Variants in SHANK2 observed in about 807,000 individuals in gnomAD.
SHANK2 encodes the protein SH3 and multiple ankyrin repeat domains 2.
Under a neutral mutation model 133.7 loss-of-function variants are expected in SHANK2, and 43 were observed. The observed-to-expected ratio is 0.32, with a 90% CI of 0.25 to 0.41. SHANK2 has a LOEUF of 0.41. SHANK2 is among the 10% of genes least tolerant of loss of function. The pLI, the probability that SHANK2 is intolerant of heterozygous loss-of-function variation, is 1.00. For missense variants in SHANK2, 1,994 were observed against 2,235.8 expected, an observed-to-expected ratio of 0.89 and a Z score of 2.18; for synonymous variants, 1,017 against 952.8, an observed-to-expected ratio of 1.07 and a Z score of -1.24.
At chr11:71,115,477 A>G (rs181096791) in intron 4 of SHANK2, among the ~76,000 whole-genome samples, 255 of 152,316 alleles carry the variant, frequency 1.7e-3, no homozygotes, top group African/African-American at 5.6e-3. Flanking sequence ...TCAAAAACAA[A>G]ACAAAACAAA....
rs1444474778 is a variant in SHANK2 at position 70,485,123 on chromosome 11, A to G, written c.4979+191T>C. Among the ~76,000 whole-genome samples the G allele has an allele frequency of 6.6e-6, 1 of 152,226 alleles. No homozygotes were observed. The highest frequency in any genetic ancestry group is 1.9e-4 in the East Asian group (1 of 5,194). On this transcript the variant is annotated intron_variant, in intron 25 of 25. Coordinates refer to ENST00000601538, the MANE Select transcript of SHANK2 (RefSeq NM_012309.5). The surrounding 1 kb of genome is among the most constrained non-coding windows in gnomAD (Gnocchi z 5.8). ...GCTGTGTCCCACCAGGATGGCTGTG[A>G]TCATTACTCGGCTATCCCGGAGTCC... is the stretch of plus-strand genomic sequence containing the variant.
chr11:70,731,897 C>T (rs1183080069), intron 14 of SHANK2, among the ~76,000 whole-genome samples: 4 of 152,214 alleles, frequency 2.6e-5, no homozygotes, highest in Non-Finnish European at 5.9e-5. Flanking sequence ...TCCTCCTGCA[C>T]GTGCTCTGCC....
chr11:71,226,810 G>A (rs769862453), intron 1 of SHANK2: 1 of 152,030 alleles, frequency 6.6e-6, no homozygotes, highest in Non-Finnish European at 1.5e-5. Context: ...AGGAGTTTTG[G>A]AACATTAGGA....
At chr11:70,615,742 G>A (rs2060732315) in intron 17 of SHANK2, among the ~76,000 whole-genome samples, 1 of 152,222 alleles carries the variant, frequency 6.6e-6, no homozygotes, top group Non-Finnish European at 1.5e-5. Context: ...TCCACACCTT[G>A]GGGCAGAGCT....
At chr11:71,085,467 T>TATATATATAATATATATGTTATATA (rs1951365921) in intron 8 of SHANK2, among the ~76,000 whole-genome samples, 1 of 124,102 alleles carries the variant, frequency 8.1e-6, no homozygotes, top group Non-Finnish European at 1.6e-5. Flanking sequence ...AATATATATA[T>TATATATATAATATATATGTTATATA]ATATATAATA....
chr11:70,843,260 G>A (rs9737104), intron 11 of SHANK2, among the ~76,000 whole-genome samples: 4,616 of 147,786 alleles, frequency 0.031, 242 homozygotes, highest in African/African-American at 0.11. Flanking sequence ...CTATGGGGTG[G>A]GCTGGGCTGC....
intron 17 of SHANK2, among the ~76,000 whole-genome samples, chr11:70,570,091 T>A (rs2060026995): frequency 1.3e-5 from 2 of 152,206 alleles, no homozygotes; most frequent in Non-Finnish European, 2.9e-5. Context: ...GCTACCTGAC[T>A]GTTTTTTGAC....
chr11:70,911,020 G>A (rs1950183487), intron 10 of SHANK2: 1 of 456,964 alleles, frequency 2.2e-6, no homozygotes, highest in Non-Finnish European at 4.4e-6. Context: ...CAGAAACGAA[G>A]GGGGTGCTCC....
chr11:70,718,593 G>A (rs1428279914), intron 14 of SHANK2, among the ~76,000 whole-genome samples: 1 of 152,166 alleles, frequency 6.6e-6, no homozygotes, highest in Non-Finnish European at 1.5e-5. Flanking sequence ...TACCTGCAAG[G>A]ACTTCTCGGC....
chr11:70,591,116 C>A (rs145931866), intron 17 of SHANK2, among the ~76,000 whole-genome samples: 5 of 152,002 alleles, frequency 3.3e-5, no homozygotes, highest in Non-Finnish European at 7.4e-5. Context: ...CCGAGGTGGG[C>A]GGATCACTGG....
intron 17 of SHANK2, among the ~76,000 whole-genome samples, chr11:70,644,497 GCTGGATA>G (rs1168907311): frequency 6.6e-6 from 1 of 152,232 alleles, no homozygotes; most frequent in Non-Finnish European, 1.5e-5. Flanking sequence ...TGGGTCCCAG[GCTGGATA>G]CCTCCATGTG....
chr11:71,150,386 G>C (rs1238678898), intron 2 of SHANK2, among the ~76,000 whole-genome samples: 5 of 119,076 alleles, frequency 4.2e-5, no homozygotes, highest in African/African-American at 6.5e-5. Flanking sequence ...GAGGGAGGGA[G>C]AGGGAGGGAC....
At chr11:71,204,804 G>T (rs1954095392) in intron 2 of SHANK2, among the ~76,000 whole-genome samples, 1 of 152,198 alleles carries the variant, frequency 6.6e-6, no homozygotes, top group African/African-American at 2.4e-5. Flanking sequence ...GTCCTGGGAA[G>T]GGGGCAGGAG....
chr11:70,871,668 AAG>A (rs1337227565), intron 11 of SHANK2, among the ~76,000 whole-genome samples: 3 of 152,176 alleles, frequency 2.0e-5, no homozygotes, highest in Non-Finnish European at 4.4e-5. Flanking sequence ...AAAGTCAAGA[AAG>A]AGTTCATGTT....
chr11:70,496,877 C>A, intron 21 of SHANK2: 1 of 442,048 alleles, frequency 2.3e-6, no homozygotes, highest in Non-Finnish European at 4.6e-6. Context: ...TGGGGGCACC[C>A]TACCCATCAT....
At chr11:71,196,997 C>CAAA (rs71467429) in intron 2 of SHANK2, among the ~76,000 whole-genome samples, 2,694 of 81,842 alleles carry the variant, frequency 0.033, 53 homozygotes, top group Non-Finnish European at 0.048. Context: ...GACTCTGTCT[C>CAAA]AAAAAAAAAA....
intron 17 of SHANK2, among the ~76,000 whole-genome samples, chr11:70,530,250 G>A (rs2059450349): frequency 6.6e-6 from 1 of 152,210 alleles, no homozygotes; most frequent in South Asian, 2.1e-4. Flanking sequence ...CGGGCACCGT[G>A]GCTCATGCCT....
chr11:70,485,200 G>A lies in SHANK2; in HGVS notation c.4979+114C>T, dbSNP rs528162885. The stretch of plus-strand genomic sequence containing the variant: ...TGCATTAACAGACGTGGCCCACACA[G>A]GCTTTACGAATTCCCCTCTTCGTGT... On this transcript the variant is annotated intron_variant, in intron 25 of 25. Coordinates refer to ENST00000601538, the MANE Select transcript of SHANK2 (RefSeq NM_012309.5). The surrounding 1 kb of genome is among the most constrained non-coding windows in gnomAD (Gnocchi z 5.8). The A allele has an allele frequency of 6.7e-5, 59 of 878,616 alleles. No individual in the cohort carries two copies. The South Asian group carries it at 7.7e-4, about 12-fold the overall frequency. The allele number at this position is 878,616 out of a possible 1,614,324, so 54.4% of individuals were successfully genotyped here.
intron 9 of SHANK2, among the ~76,000 whole-genome samples, chr11:71,066,152 G>A (rs1951058137): frequency 1.1e-4 from 14 of 128,906 alleles, no homozygotes; most frequent in Non-Finnish European, 1.8e-4. Flanking sequence ...GTTGGGTGGG[G>A]GGGGTGCAGA....
Sources: gnomAD v4.1 joint callset for allele counts (sites outside exome capture counted in the v4.1 genomes callset) on GRCh38, gnomAD v4.1.1 for gene constraint, Gnocchi (gnomAD v3.1) non-coding constraint, MANE v1.5 for transcripts, NCBI Gene and HGNC (gene_info 2026-07-23, HGNC 2026-07-21) for gene names.